Variants in RYR2 observed in about 807,000 individuals in gnomAD.
The protein encoded by RYR2 is cardiac muscle ryanodine receptor-calcium release channel.
Under a neutral mutation model 601.1 loss-of-function variants are expected in RYR2, and 227 were observed. The observed-to-expected ratio is 0.38, with a 90% CI of 0.34 to 0.42. The LOEUF is 0.42. RYR2 is among the 10% of genes least tolerant of loss of function. The probability of loss-of-function intolerance (pLI) is 1.00; values close to 1 mark genes in which losing one functional copy is unlikely to be tolerated. For missense variants in RYR2, 4,646 were observed against 6,156.5 expected, an observed-to-expected ratio of 0.75 and a Z score of 8.21; for synonymous variants, 2,223 against 2,175.1, an observed-to-expected ratio of 1.02 and a Z score of -0.61.
chr1:237,322,621 G>A (rs1265558253), intron 2 of RYR2, among the ~76,000 whole-genome samples: 2 of 152,152 alleles, frequency 1.3e-5, no homozygotes, highest in African/African-American at 4.8e-5. Flanking sequence ...GTTCACTGAA[G>A]GCTCTATCAA....
chr1:237,668,503 C>T (rs1427905238), intron 58 of RYR2, among the ~76,000 whole-genome samples: 1 of 152,100 alleles, frequency 6.6e-6, no homozygotes, highest in Non-Finnish European at 1.5e-5. Context: ...ATTTATTTGC[C>T]GTTAGTCTAT....
Position 237,593,472 on chromosome 1 carries a change from A to G in RYR2, c.4276-4A>G, listed in dbSNP as rs747496457. 6.2e-7 allele frequency: 1 copy of G among 1,602,882 alleles called. No individual in the cohort carries two copies. The highest frequency in any genetic ancestry group is 8.5e-7 in the Non-Finnish European group (1 of 1,175,346). On this transcript the variant is annotated splice_region_variant and splice_polypyrimidine_tract_variant and intron_variant, in intron 32 of 104. Transcript: ENST00000366574. ...GCCAATATTTGGTTCTGCTATCTTC[A>G]CAGTACTATTACTCAGTGAGAATCT...
At chr1:237,547,499 T>C (rs1669951645) in intron 25 of RYR2, among the ~76,000 whole-genome samples, 2 of 152,136 alleles carry the variant, frequency 1.3e-5, no homozygotes, top group Non-Finnish European at 1.5e-5. Flanking sequence ...TTAAGGATAA[T>C]GGCAGTTAGA....
intron 41 of RYR2, among the ~76,000 whole-genome samples, chr1:237,628,583 G>A (rs1480054842): frequency 6.6e-6 from 1 of 151,942 alleles, no homozygotes; most frequent in Non-Finnish European, 1.5e-5. Flanking sequence ...GTATTCCATG[G>A]TGTATATGTG....
chr1:237,404,056 C>T lies in RYR2; in HGVS notation c.774-12993C>T, dbSNP rs532623816. 3.1e-4 allele frequency among the ~76,000 whole-genome samples: 47 copies of T among 152,252 alleles called. No homozygotes were observed. The Middle Eastern group carries it at 0.01, about 33-fold the overall frequency. ...ATTGCTCCAGTCTAGGAGTTCAAGA[C>T]CAGCCTGGGAAACATGGCGAAACCC... On this transcript the variant is annotated intron_variant, in intron 10 of 104. Coordinates refer to ENST00000366574, the MANE Select transcript of RYR2 (RefSeq NM_001035.3).
chr1:237,407,745 T>A (rs1704054022), intron 10 of RYR2, among the ~76,000 whole-genome samples: 1 of 151,378 alleles, frequency 6.6e-6, no homozygotes, highest in Non-Finnish European at 1.5e-5. Context: ...GCCTCCAGAG[T>A]AGCTATGACT....
chr1:237,814,965 CTTTTTTTTTTTT>C (rs11314213), intron 100 of RYR2, among the ~76,000 whole-genome samples: 1 of 93,914 alleles, frequency 1.1e-5, no homozygotes, highest in African/African-American at 4.0e-5. Flanking sequence ...TTTCTTTTTT[CTTTTTTTTTTTT>C]TTTTTTTGCC....
intron 10 of RYR2, among the ~76,000 whole-genome samples, chr1:237,394,594 C>A (rs1206110976): frequency 1.3e-5 from 2 of 152,230 alleles, no homozygotes; most frequent in African/African-American, 4.8e-5. Flanking sequence ...AATGTGTCAA[C>A]TGAAACGCTT....
At chr1:237,587,555 ATTAC>A (rs149186205) in intron 29 of RYR2, among the ~76,000 whole-genome samples, 2,306 of 152,192 alleles carry the variant, frequency 0.015, 18 homozygotes, top group Non-Finnish European at 0.024. Flanking sequence ...TTCAATAATA[ATTAC>A]TTGGAGTATT....
chr1:237,614,500 C>A lies in RYR2; in HGVS notation c.5372C>A (p.Thr1791Asn). The A allele has an allele frequency of 6.2e-7, 1 of 1,614,040 alleles. No homozygotes were observed. The highest frequency in any genetic ancestry group is 8.5e-7 in the Non-Finnish European group (1 of 1,179,904). The stretch of plus-strand genomic sequence containing the variant: ...CCACTGGACATCCTCAAGTCCAAAA[C>A]CATACAGATGCTGACAGAAGCTGTT... The part of the protein sequence containing the change: ...EFPLDILKSK[T>N]IQMLTEAVKE... The change falls in exon 37 of 105, where the codon ACC (threonine) becomes AAC (asparagine). Residue 1791 changes from threonine (T) to asparagine (N), a missense_variant. Physicochemically the swap from Thr to Asn is moderately conservative, Grantham distance 65 (BLOSUM62 0). Around this residue, in one of 17 missense-constraint regions of RYR2, gnomAD observed 1,807 missense variants for 2,088.1 expected, o/e 0.87. Transcript: ENST00000366574. The surrounding 1 kb of genome is among the most constrained non-coding windows in gnomAD (Gnocchi z 4.3).
intron 92 of RYR2, among the ~76,000 whole-genome samples, chr1:237,791,224 G>A (rs1036867320): frequency 2.6e-5 from 4 of 152,088 alleles, no homozygotes; most frequent in African/African-American, 7.2e-5. Flanking sequence ...TTTCACTTGC[G>A]GGTATGCTTT....
chr1:237,622,718 G>T (rs949115499), intron 38 of RYR2, among the ~76,000 whole-genome samples: 1 of 152,146 alleles, frequency 6.6e-6, no homozygotes, highest in African/African-American at 2.4e-5. Context: ...TGATATGTCA[G>T]CACTGCCTTG....
intron 54 of RYR2, 121 bp downstream of exon 54, chr1:237,658,143 A>T (rs1683430082): frequency 4.1e-6 from 2 of 486,518 alleles, no homozygotes; most frequent in South Asian, 8.7e-5. Flanking sequence ...TTAGGAAAAA[A>T]TACTTAATTA....
intron 20 of RYR2, among the ~76,000 whole-genome samples, chr1:237,498,271 C>T (rs570722828): frequency 2.0e-5 from 3 of 152,092 alleles, no homozygotes; most frequent in South Asian, 4.2e-4. Context: ...GGTTGGAGTC[C>T]TCACAGTACT....
At chr1:237,111,485 G>C (rs896026933) in intron 1 of RYR2, among the ~76,000 whole-genome samples, 1 of 151,582 alleles carries the variant, frequency 6.6e-6, no homozygotes, top group African/African-American at 2.4e-5. Context: ...CTACTCAGGA[G>C]ACTGTGGGAG....
intron 2 of RYR2, among the ~76,000 whole-genome samples, chr1:237,276,640 A>T (rs915318230): frequency 2.0e-5 from 3 of 152,192 alleles, no homozygotes; most frequent in African/African-American, 7.2e-5. Flanking sequence ...TAGAAGTTAC[A>T]TATGAGTTGG....
rs1253833653 is a variant in RYR2, at chr1:237,757,758, G to A, written c.11307G>A (p.Gly3769=). The change falls in exon 82 of 105, where the codon GGG becomes GGA. Residue 3769 remains glycine, a synonymous_variant. Transcript: ENST00000366574. Reference sequence around the variant, plus strand: ...TTGGAATTGCTATTTTAAATGGTGGGAACTCCACAGTACAGCAGGTAACAG... The same window carrying A: ...TTGGAATTGCTATTTTAAATGGTGGAAACTCCACAGTACAGCAGGTAACAG... ...LKLGIAILNG[G]NSTVQQKMLD... is the part of the protein sequence containing the mutation. 2.5e-6 allele frequency: 4 copies of A among 1,607,882 alleles called. No homozygotes were observed. Among genetic ancestry groups the A allele is most frequent in the Admixed American group, 3.3e-5 (2 of 59,974 alleles).
At chr1:237,307,702 A>G (rs1394209106) in intron 2 of RYR2, among the ~76,000 whole-genome samples, 1 of 151,962 alleles carries the variant, frequency 6.6e-6, no homozygotes, top group Non-Finnish European at 1.5e-5. Flanking sequence ...ATTCCTTATG[A>G]TATTTATGTA....
At chr1:237,131,463 C>A (rs1371859385) in intron 1 of RYR2, among the ~76,000 whole-genome samples, 2 of 152,022 alleles carry the variant, frequency 1.3e-5, no homozygotes, top group Non-Finnish European at 2.9e-5. Flanking sequence ...TCAACAGAAA[C>A]AGACCAAGAG....
Sources: gnomAD v4.1 joint callset for allele counts (sites outside exome capture counted in the v4.1 genomes callset) on GRCh38, gnomAD v4.1.1 for gene constraint, gnomAD v4.1.1 regional missense constraint, Gnocchi (gnomAD v3.1) non-coding constraint, MANE v1.5 for transcripts, NCBI Gene and HGNC (gene_info 2026-07-23, HGNC 2026-07-21) for gene names.